Variants in CXCL12 observed in about 807,000 individuals in gnomAD.
CXCL12 encodes the protein stromal cell-derived factor 1.
Under a neutral mutation model 10.7 loss-of-function variants are expected in CXCL12, and 4 were observed. The ratio of observed to expected loss-of-function variants is 0.37; its 90% CI spans 0.18 to 0.86. The LOEUF (loss-of-function observed/expected upper bound fraction) is 0.86, where lower values mean the gene tolerates loss of function less well. Among genes scored for constraint, CXCL12 ranks in the 40% least tolerant of loss-of-function variants. The probability of loss-of-function intolerance (pLI) is 0.43; values close to 1 mark genes in which losing one functional copy is unlikely to be tolerated. For missense variants in CXCL12, 122 were observed against 110.4 expected (o/e 1.10, Z -0.47); for synonymous variants, 54 against 45.4 (o/e 1.19, Z -0.77).
At chr10:44,383,724 C>T (rs960975088) in intron 1 of CXCL12, among the ~76,000 whole-genome samples, 8 of 151,944 alleles carry the variant, frequency 5.3e-5, no homozygotes, top group Admixed American at 5.2e-4. Context: ...CGCCACGACC[C>T]CAGGCTGCCC....
chr10:44,381,865 TTTTTTTC>T (rs1839643446), intron 1 of CXCL12, among the ~76,000 whole-genome samples: 1 of 152,228 alleles, frequency 6.6e-6, no homozygotes, highest in African/African-American at 2.4e-5. Flanking sequence ...GTCCAGAGAT[TTTTTTTC>T]TTTTTTCTTT....
downstream of CXCL12, among the ~76,000 whole-genome samples, chr10:44,376,514 A>G (rs1839454944): frequency 6.6e-6 from 1 of 152,196 alleles, no homozygotes; most frequent in South Asian, 2.1e-4. Flanking sequence ...CATTCAGAAG[A>G]GGAGAAAAAA....
At position 44,377,958 on chromosome 10, in the gene CXCL12, G is replaced by C. The variant is rs1296042931; in HGVS notation, c.*675C>G. On this transcript the variant is annotated 3_prime_UTR_variant, in exon 3 of 3. Coordinates refer to ENST00000343575, the MANE Select transcript of CXCL12 (RefSeq NM_199168.4). ...TTAAGCATGCTCTCGGAGTCGGGGAGAGAGTAGGAATAGCTGGGAGAGGGG... is the reference window on the plus strand; with the variant it reads ...TTAAGCATGCTCTCGGAGTCGGGGACAGAGTAGGAATAGCTGGGAGAGGGG... The C allele has an allele frequency of 6.5e-7, 1 of 1,527,252 alleles. No homozygotes were observed. The highest frequency in any genetic ancestry group is 2.4e-5 in the East Asian group (1 of 40,940). 94.6% of individuals were successfully genotyped at this position (1,527,252 alleles called of 1,614,324 possible). A position where few individuals can be genotyped will look rare whatever the true frequency, so the allele number is the denominator to read the frequency against.
downstream of CXCL12, chr10:44,373,391 C>T: frequency 1.3e-6 from 2 of 1,537,480 alleles, no homozygotes; most frequent in Non-Finnish European, 1.8e-6. Context: ...GTTCCCCCCA[C>T]ACCCAGCCAG....
chr10:44,385,023 GGGC>G lies in CXCL12; in HGVS notation c.-21_-19del. The G allele has an allele frequency of 7.3e-7, 1 of 1,363,376 alleles. No individual in the cohort carries two copies. The highest frequency in any genetic ancestry group is 9.8e-7 in the Non-Finnish European group (1 of 1,018,440). The allele number at this position is 1,363,376 out of a possible 1,614,324, so 84.5% of individuals were successfully genotyped here. Reference sequence around the variant, plus strand: ...GCGTTCATGGCGCGGGCGGGCGGGCGGGCGGGCGGACGAGCGCGGGTCGGGGGC... The same window carrying G: ...GCGTTCATGGCGCGGGCGGGCGGGCGGGGCGGACGAGCGCGGGTCGGGGGC... On this transcript the variant is annotated 5_prime_UTR_variant, in exon 1 of 3. Coordinates refer to ENST00000343575, the MANE Select transcript of CXCL12 (RefSeq NM_199168.4).
In CXCL12 at chr10:44,377,474, A is replaced by G; in HGVS notation, c.*1159T>C. On this transcript the variant is annotated 3_prime_UTR_variant, in exon 3 of 3. Transcript: ENST00000343575. ...CAAATACCACCAGGACCTTCTGTGG[A>G]TCGCATTTATGCATGGAAATGTCAC... 1 of 1,293,316 alleles carries G rather than the reference A, an allele frequency of 7.7e-7. No homozygotes were observed. Among genetic ancestry groups the G allele is most frequent in the Non-Finnish European group, 9.8e-7 (1 of 1,022,174 alleles). 80.1% of individuals were successfully genotyped at this position (1,293,316 alleles called of 1,614,324 possible).
Position 44,377,580 on chromosome 10 carries a change from T to C in CXCL12, c.*1053A>G, listed in dbSNP as rs1234674034. 9.5e-6 allele frequency: 14 copies of C among 1,478,626 alleles called. No homozygotes were observed. The highest frequency in any genetic ancestry group is 5.5e-5 in the South Asian group (4 of 72,586). 91.6% of individuals were successfully genotyped at this position (1,478,626 alleles called of 1,614,324 possible). A position where few individuals can be genotyped will look rare whatever the true frequency, so the allele number is the denominator to read the frequency against. On this transcript the variant is annotated 3_prime_UTR_variant, in exon 3 of 3. Transcript: ENST00000343575. Reference sequence around the variant, plus strand: ...AGTGGCAAGATGATGGTTTATTCACTGATTTTTTCGCTTCTGATTTCGGAA... The same window carrying C: ...AGTGGCAAGATGATGGTTTATTCACCGATTTTTTCGCTTCTGATTTCGGAA...
chr10:44,373,141 A>C (rs1436605773), downstream of CXCL12: 1 of 1,535,446 alleles, frequency 6.5e-7, no homozygotes, highest in African/African-American at 1.4e-5. Flanking sequence ...ATCAAACTAA[A>C]TGAAAAATAA....
chr10:44,382,559 G>A (rs1216480844), intron 1 of CXCL12, among the ~76,000 whole-genome samples: 1 of 152,122 alleles, frequency 6.6e-6, no homozygotes, highest in African/African-American at 2.4e-5. Flanking sequence ...CGCCCCCGCT[G>A]GGATGGGTGG....
chr10:44,372,474 G>C (rs940109143), downstream of CXCL12: 3 of 307,446 alleles, frequency 9.8e-6, no homozygotes, highest in Non-Finnish European at 1.6e-5. Flanking sequence ...ATTGGTCACA[G>C]AGGAGGACGC....
downstream of CXCL12, among the ~76,000 whole-genome samples, chr10:44,375,156 G>T (rs559624029): frequency 7.9e-5 from 12 of 152,302 alleles, no homozygotes; most frequent in South Asian, 2.5e-3. Flanking sequence ...TGTCCTCCAC[G>T]TGGGGGACCC....
chr10:44,372,662 C>A, downstream of CXCL12: 1 of 1,402,748 alleles, frequency 7.1e-7, no homozygotes, highest in Non-Finnish European at 9.2e-7. Context: ...CGTGGACACA[C>A]ATGATGATGG....
intron 2 of CXCL12, 133 bp from the exon 3 acceptor site, chr10:44,378,856 C>G (rs1839543168): frequency 1.2e-6 from 1 of 861,872 alleles, no homozygotes; most frequent in African/African-American, 1.7e-5. Flanking sequence ...CGCTCAGGCT[C>G]CAGAGGTGCT....
downstream of CXCL12, among the ~76,000 whole-genome samples, chr10:44,375,539 A>C (rs1446958685): frequency 6.6e-6 from 1 of 152,242 alleles, no homozygotes; most frequent in Non-Finnish European, 1.5e-5. Context: ...TCTCCACAGG[A>C]ATGCAGACTG....
At chr10:44,373,434 T>C, downstream of CXCL12, 1 of 1,150,826 alleles carries the variant, frequency 8.7e-7, no homozygotes, top group Non-Finnish European at 1.3e-6. Context: ...GCGGAGGCCC[T>C]GGGGCCAATC....
Position 44,378,432 on chromosome 10 carries a change from A to ATATCATACCG in CXCL12, c.*191_*200dup, listed in dbSNP as rs1839525535. Reference sequence around the variant, plus strand: ...AGGGCATGGATGAATATAAGCTGCAATATCATACCGTATGCTATAAATGCA... The same window carrying ATATCATACCG: ...AGGGCATGGATGAATATAAGCTGCAATATCATACCGTATCATACCGTATGCTATAAATGCA... On this transcript the variant is annotated 3_prime_UTR_variant, in exon 3 of 3. Coordinates refer to ENST00000343575, the MANE Select transcript of CXCL12 (RefSeq NM_199168.4). 1 of 1,550,620 alleles carries ATATCATACCG rather than the reference A, an allele frequency of 6.4e-7. No individual in the cohort carries two copies. The highest frequency in any genetic ancestry group is 1.2e-5 in the South Asian group (1 of 86,530).
At chr10:44,381,713 G>A (rs1839636869) in intron 1 of CXCL12, among the ~76,000 whole-genome samples, 2 of 152,230 alleles carry the variant, frequency 1.3e-5, no homozygotes, top group African/African-American at 4.8e-5. Context: ...AGGATTGCAA[G>A]CCCTGGAGGG....
At chr10:44,375,840 T>C (rs902175247), downstream of CXCL12, 70 of 1,567,934 alleles carry the variant, frequency 4.5e-5, no homozygotes, top group Admixed American at 7.8e-5. Flanking sequence ...TCTGAGCCCC[T>C]GCCCAGTCTG....
chr10:44,372,840 C>T, downstream of CXCL12: 2 of 1,509,050 alleles, frequency 1.3e-6, no homozygotes, highest in Non-Finnish European at 8.8e-7. Context: ...AGGGGGTGAG[C>T]CTCCCATGTG....
Sources: gnomAD v4.1 joint callset for allele counts (sites outside exome capture counted in the v4.1 genomes callset) on GRCh38, gnomAD v4.1.1 for gene constraint, MANE v1.5 for transcripts, NCBI Gene and HGNC (gene_info 2026-07-23, HGNC 2026-07-21) for gene names.